DLGAP5: variants seen among roughly 807,000 people sequenced by gnomAD.
DLGAP5 encodes the protein disks large-associated protein 5.
Under a neutral mutation model 99.6 loss-of-function variants are expected in DLGAP5, and 90 were observed. The ratio of observed to expected loss-of-function variants is 0.90; its 90% CI spans 0.76 to 1.08. The LOEUF (loss-of-function observed/expected upper bound fraction) is 1.08. Ranked by LOEUF, DLGAP5 falls within the 50% of genes least tolerant of loss-of-function variation. DLGAP5 has a pLI of 0.00. For synonymous variants in DLGAP5, 311 were observed against 321.3 expected (o/e 0.97, Z 0.34); for missense variants, 1,036 against 983.5 (o/e 1.05, Z -0.71).
intron 14 of DLGAP5, among the ~76,000 whole-genome samples, chr14:55,155,589 C>G (rs957198308): frequency 6.6e-5 from 10 of 151,652 alleles, no homozygotes; most frequent in Non-Finnish European, 1.5e-4. Flanking sequence ...CTCAGGTGAT[C>G]CACCTGCCTC....
Position 55,175,395 on chromosome 14 carries a change from T to C in DLGAP5, c.1252A>G (p.Arg418Gly), listed in dbSNP as rs2140322651. The C allele has an allele frequency of 6.2e-7, 1 of 1,607,838 alleles. No homozygotes were observed. Among genetic ancestry groups the C allele is most frequent in the South Asian group, 1.1e-5 (1 of 89,726 alleles). Residue 418 changes from arginine to glycine, a missense_variant, in exon 10 of 19, where the codon AGA becomes GGA. By Grantham distance (125) the Arg-to-Gly change is moderately radical. Coordinates refer to ENST00000247191, the MANE Select transcript of DLGAP5 (RefSeq NM_014750.5). ...LPIKEVPSLE[R>G]NEGRIAQPHH... ...GGCTGAGCAATTCGACCTTCATTTC[T>C]TTCAAGTGATGGGACTTCTTTTATT...
intron 13 of DLGAP5, among the ~76,000 whole-genome samples, chr14:55,159,997 G>A (rs1882360879): frequency 2.0e-5 from 3 of 152,130 alleles, no homozygotes; most frequent in Non-Finnish European, 4.4e-5. Flanking sequence ...GAGGCCAGGA[G>A]TTCCAGACCA....
At position 55,148,370 on chromosome 14, in the gene DLGAP5, A is replaced by G; in HGVS notation, c.2522T>C (p.Leu841Pro). ...FGGNLITFSP[L>P]QPGEF ...TTAAATTCAAAATTCTCCTGGTTGT[A>G]GAGGTGAAAAAGTAATCAGGTTACC... The change falls in exon 19 of 19, where the codon CTA becomes CCA. Residue 841 changes from leucine to proline, a missense_variant. Transcript: ENST00000247191. 6.2e-7 allele frequency: 1 copy of G among 1,614,018 alleles called. No individual in the cohort carries two copies. The highest frequency in any genetic ancestry group is 8.5e-7 in the Non-Finnish European group (1 of 1,179,946).
Position 55,154,426 on chromosome 14 carries a change from G to C in DLGAP5, c.2063+191C>G, listed in dbSNP as rs76406065. Among the ~76,000 whole-genome samples, 3,928 of 152,204 alleles carry C rather than the reference G, an allele frequency of 0.026. 164 individuals are homozygous for C. The highest frequency in any genetic ancestry group is 0.09 in the African/African-American group (3,741 of 41,494). ...CTGCAGAATTTACCCAACTAAACGTGACCATTTAGTATCCTGAAACCTTAA... is the reference window on the plus strand; with the variant it reads ...CTGCAGAATTTACCCAACTAAACGTCACCATTTAGTATCCTGAAACCTTAA... On this transcript the variant is annotated intron_variant, in intron 15 of 18. Transcript: ENST00000247191.
chr14:55,181,391 G>C, intron 4 of DLGAP5, 94 bp from the exon 5 acceptor site: 2 of 990,706 alleles, frequency 2.0e-6, no homozygotes, highest in Non-Finnish European at 2.9e-6. Flanking sequence ...TATGAAATCT[G>C]ATCATCGTAA....
At chr14:55,169,373 T>C (rs372788676) in intron 12 of DLGAP5, 26 bp downstream of exon 12, 2 of 1,210,292 alleles carry the variant, frequency 1.7e-6, no homozygotes, top group African/African-American at 1.6e-5. Flanking sequence ...CCTAAGTTAA[T>C]ATATTTGAAA....
chr14:55,189,326 G>C lies in DLGAP5; in HGVS notation c.-1-146C>G, dbSNP rs2274270. ...TGAAATAAATATGTAACACTGAAAA[G>C]TGAGAAGAAGATTATCAGAGAATAA... On this transcript the variant is annotated intron_variant, in intron 1 of 18. Coordinates refer to ENST00000247191, the MANE Select transcript of DLGAP5 (RefSeq NM_014750.5). 1,350 of 687,456 alleles carry C rather than the reference G, an allele frequency of 2.0e-3. 27 individuals are homozygous for C. In the East Asian group the frequency reaches 0.029, roughly 15 times the overall value. 42.6% of individuals were successfully genotyped at this position (687,456 alleles called of 1,614,324 possible).
At position 55,158,468 on chromosome 14, in the gene DLGAP5, C is replaced by A. The variant is rs1389260698; in HGVS notation, c.1873+54G>T. The A allele has an allele frequency of 2.7e-6, 4 of 1,477,084 alleles. No homozygotes were observed. In the East Asian group the frequency reaches 9.2e-5, roughly 34 times the overall value. 91.5% of individuals were successfully genotyped at this position (1,477,084 alleles called of 1,614,324 possible). On this transcript the variant is annotated intron_variant, in intron 14 of 18. Transcript: ENST00000247191. ...AAGCCCCCATCTATCCCAAATATTT[C>A]TCTTAAGTAGTCTCAGGAAAAACAA... is the stretch of plus-strand genomic sequence containing the variant.
chr14:55,191,247 C>T (rs978782818), intron 1 of DLGAP5: 1 of 152,210 alleles, frequency 6.6e-6, no homozygotes, highest in Non-Finnish European at 1.5e-5. Context: ...TCAATTACGC[C>T]CCGGTGGTGA....
At position 55,148,320 on chromosome 14, in the gene DLGAP5, T is replaced by C. The variant is rs764756435; in HGVS notation, c.*31A>G. 3.7e-6 allele frequency: 6 copies of C among 1,607,500 alleles called. No individual in the cohort carries two copies. The highest frequency in any genetic ancestry group is 3.3e-5 in the South Asian group (3 of 90,380). ...AAGGAATATATAAGCATTGATAATATGAAGGAAAATGTTTGGATTTATTTT... is the reference window on the plus strand; with the variant it reads ...AAGGAATATATAAGCATTGATAATACGAAGGAAAATGTTTGGATTTATTTT... On this transcript the variant is annotated 3_prime_UTR_variant, in exon 19 of 19. Coordinates refer to ENST00000247191, the MANE Select transcript of DLGAP5 (RefSeq NM_014750.5).
chr14:55,177,619 G>A (rs1883125175), intron 7 of DLGAP5, among the ~76,000 whole-genome samples: 1 of 151,302 alleles, frequency 6.6e-6, no homozygotes, highest in Non-Finnish European at 1.5e-5. Context: ...CTCCCTGCAA[G>A]CTCCGCCTCC....
At chr14:55,168,141 TG>T (rs1161546391) in intron 12 of DLGAP5, among the ~76,000 whole-genome samples, 1 of 152,186 alleles carries the variant, frequency 6.6e-6, no homozygotes, top group African/African-American at 2.4e-5. Context: ...TCTGTAGAGA[TG>T]GGCTCTCACT....
chr14:55,152,725 A>C, intron 15 of DLGAP5, 78 bp from the exon 16 acceptor site: 2 of 1,219,912 alleles, frequency 1.6e-6, no homozygotes, highest in Non-Finnish European at 2.2e-6. Flanking sequence ...CTTTCCTTTA[A>C]TGATGGCAAT....
chr14:55,150,789 G>C lies in DLGAP5; in HGVS notation c.2418+10C>G, dbSNP rs1566492091. The C allele has an allele frequency of 1.3e-6, 2 of 1,564,590 alleles. No homozygotes were observed. The highest frequency in any genetic ancestry group is 2.3e-5 in the East Asian group (1 of 42,562). On this transcript the variant is annotated intron_variant, in intron 18 of 18. Transcript: ENST00000247191. ...GAATATAAAGGGACTTGTCAAGTTG[G>C]AAAACTTACTGAATCAAGAAGGTGG... is the stretch of plus-strand genomic sequence containing the variant.
intron 10 of DLGAP5, among the ~76,000 whole-genome samples, chr14:55,173,769 T>C (rs1882954324): frequency 1.3e-5 from 2 of 152,218 alleles, no homozygotes; most frequent in African/African-American, 4.8e-5. Flanking sequence ...AATCTCTAAA[T>C]ATAAATTGTA....
intron 10 of DLGAP5, among the ~76,000 whole-genome samples, chr14:55,171,126 C>T (rs943509780): frequency 9.2e-5 from 14 of 152,140 alleles, no homozygotes; most frequent in Admixed American, 6.6e-4. Flanking sequence ...TCAGCATTGT[C>T]TATGAAACTA....
At chr14:55,180,072 C>T (rs1883223142) in intron 6 of DLGAP5, among the ~76,000 whole-genome samples, 1 of 151,798 alleles carries the variant, frequency 6.6e-6, no homozygotes, top group Non-Finnish European at 1.5e-5. Flanking sequence ...TGAGGATGAC[C>T]TTTGAACTTC....
chr14:55,149,393 T>A (rs1881931950), intron 18 of DLGAP5, among the ~76,000 whole-genome samples: 1 of 152,150 alleles, frequency 6.6e-6, no homozygotes, highest in South Asian at 2.1e-4. Flanking sequence ...CAGTAACACA[T>A]TTCATTCTGC....
At chr14:55,170,901 T>C in intron 10 of DLGAP5, 114 bp from the exon 11 acceptor site, 1 of 711,074 alleles carries the variant, frequency 1.4e-6, no homozygotes, top group South Asian at 1.9e-5. Flanking sequence ...AGCCACAATA[T>C]TTTCCCAAAG....
Sources: gnomAD v4.1 joint callset for allele counts (sites outside exome capture counted in the v4.1 genomes callset) on GRCh38, gnomAD v4.1.1 for gene constraint, MANE v1.5 for transcripts, NCBI Gene and HGNC (gene_info 2026-07-23, HGNC 2026-07-21) for gene names.